Variants in ELFN1 observed in about 807,000 individuals in gnomAD.
ELFN1 encodes extracellular leucine rich repeat and fibronectin type III domain containing 1.
In ELFN1, 6 loss-of-function variants were observed where a neutral mutation model predicts 7.6. The ratio of observed to expected loss-of-function variants is 0.79; its 90% CI spans 0.43 to 1.56. The LOEUF (loss-of-function observed/expected upper bound fraction) is 1.56, where lower values mean the gene tolerates loss of function less well. Ranked by LOEUF, ELFN1 falls within the 40% of genes most tolerant of loss-of-function variation. The pLI is 0.01. For synonymous variants in ELFN1, 657 were observed against 588.1 expected, an observed-to-expected ratio of 1.12 and a Z score of -1.70; for missense variants, 1,169 against 1,232.2, an observed-to-expected ratio of 0.95 and a Z score of 0.77.
intron 2 of ELFN1, among the ~76,000 whole-genome samples, chr7:1,690,954 T>C (rs771448430): frequency 1.3e-4 from 20 of 151,916 alleles, no homozygotes; most frequent in Non-Finnish European, 2.2e-4. Flanking sequence ...AATGAATGAG[T>C]GGATGATACA....
At chr7:1,716,463 T>G (rs1217300571) in intron 3 of ELFN1, among the ~76,000 whole-genome samples, 1 of 152,220 alleles carries the variant, frequency 6.6e-6, no homozygotes, top group Non-Finnish European at 1.5e-5. Flanking sequence ...TTAGCTGCCT[T>G]CCTTCCTGCC....
Position 1,670,689 on chromosome 7 carries a change from C to T in ELFN1, c.-549+335C>T, listed in dbSNP as rs894781326. Among the ~76,000 whole-genome samples the T allele has an allele frequency of 2.0e-5, 3 of 152,202 alleles. No homozygotes were observed. The highest frequency in any genetic ancestry group is 4.4e-5 in the Non-Finnish European group (3 of 68,022). On this transcript the variant is annotated intron_variant, in intron 1 of 3. Coordinates refer to ENST00000424383, the MANE Select transcript of ELFN1 (RefSeq NM_001128636.4). The surrounding 1 kb of genome is among the most constrained non-coding windows in gnomAD (Gnocchi z 6.4). ...CTCTCTCCCTTCCGTCCCCCTTCGC[C>T]GTCCGCACCCTGCCCGGCGCCCCCC...
At position 1,745,245 on chromosome 7, in the gene ELFN1, C is replaced by T. The variant is rs1166705211; in HGVS notation, c.649C>T (p.Arg217Cys). ...AFTNATQTYD[R>C]MQCESPPVYS... ...CACCAACGCCACACAGACGTACGAC[C>T]GCATGCAGTGCGAGTCGCCGCCCGT... Residue 217 changes from arginine to cysteine, a missense_variant, in exon 4 of 4, where the codon CGC becomes TGC. By Grantham distance (180) the Arg-to-Cys change is radical. Coordinates refer to ENST00000424383, the MANE Select transcript of ELFN1 (RefSeq NM_001128636.4). 1.3e-6 allele frequency: 2 copies of T among 1,540,438 alleles called. No homozygotes were observed. The highest frequency in any genetic ancestry group is 8.7e-7 in the Non-Finnish European group (1 of 1,146,890).
intron 3 of ELFN1, among the ~76,000 whole-genome samples, chr7:1,731,744 G>A (rs1780329014): frequency 6.6e-6 from 1 of 152,194 alleles, no homozygotes; most frequent in African/African-American, 2.4e-5. Flanking sequence ...CTCCGCAGGA[G>A]AATCAAACGA....
At chr7:1,719,973 C>T (rs13229928) in intron 3 of ELFN1, among the ~76,000 whole-genome samples, 2 of 149,794 alleles carry the variant, frequency 1.3e-5, no homozygotes, top group East Asian at 2.0e-4. Flanking sequence ...GTGGGGGCCT[C>T]CCCCACCATC....
At chr7:1,734,355 C>T (rs1449301242) in intron 3 of ELFN1, among the ~76,000 whole-genome samples, 4 of 152,224 alleles carry the variant, frequency 2.6e-5, no homozygotes, top group Non-Finnish European at 4.4e-5. Flanking sequence ...CCTCCAACGG[C>T]GCCACACATC....
chr7:1,670,206 T>C (rs1485496653), upstream of ELFN1, among the ~76,000 whole-genome samples: 4 of 145,276 alleles, frequency 2.8e-5, no homozygotes, highest in African/African-American at 1.0e-4. This position sits in a 1 kb window ranked among gnomAD's most constrained non-coding sequence, Gnocchi z 6.4. Flanking sequence ...GAGCTTGAAT[T>C]CCCCCCCGGC....
At position 1,745,853 on chromosome 7, in the gene ELFN1, C is replaced by T. The variant is rs1390275183; in HGVS notation, c.1257C>T (p.Ile419=). The change falls in exon 4 of 4, where the codon ATC becomes ATT. Residue 419 remains isoleucine (I), a synonymous_variant. Coordinates refer to ENST00000424383, the MANE Select transcript of ELFN1 (RefSeq NM_001128636.4). ...VPSPSTATHY[I]MTILGCLFGM... ...GCCCCTCCACGGCCACCCACTACAT[C>T]ATGACCATCCTGGGCTGCCTCTTCG... 1 of 1,589,596 alleles carries T rather than the reference C, an allele frequency of 6.3e-7. No individual in the cohort carries two copies. Among genetic ancestry groups the T allele is most frequent in the Non-Finnish European group, 8.5e-7 (1 of 1,169,624 alleles).
chr7:1,745,504 T>C lies in ELFN1; in HGVS notation c.908T>C (p.Leu303Pro). Residue 303 changes from leucine (L) to proline (P), a missense_variant, in exon 4 of 4, where the codon CTG (leucine) becomes CCG (proline). Leu to Pro is a moderately conservative substitution (Grantham distance 98, BLOSUM62 -3). This residue lies in a region of ELFN1 where 914 missense variants were observed against 872.6 expected (regional missense o/e 1.05). Transcript: ENST00000424383. ...TTCTCCGGGGACGGCACCACGCCAC[T>C]GGTGGCCCTGCCCACGCTGGCCACG... ...ECFSGDGTTP[L>P]VALPTLATQA... 1 of 1,545,116 alleles carries C rather than the reference T, an allele frequency of 6.5e-7. No individual in the cohort carries two copies.
chr7:1,701,132 TGCATGTGTGTGTGTGGTGCAC>T (rs1465698860), intron 2 of ELFN1, among the ~76,000 whole-genome samples: 3 of 151,964 alleles, frequency 2.0e-5, no homozygotes, highest in African/African-American at 7.3e-5. Context: ...AGCCTGTGTG[TGCATGTGTGTGTGTGGTGCAC>T]GCATGTGTGT....
chr7:1,702,613 A>G (rs6952841), intron 2 of ELFN1, among the ~76,000 whole-genome samples: 28,974 of 150,910 alleles, frequency 0.19, 3,387 homozygotes, highest in Admixed American at 0.25. Context: ...AAGACTGTTG[A>G]TGTTTCATAA....
intron 2 of ELFN1, among the ~76,000 whole-genome samples, chr7:1,698,558 CT>C (rs1779365270): frequency 6.6e-6 from 1 of 152,160 alleles, no homozygotes; most frequent in Non-Finnish European, 1.5e-5. Flanking sequence ...TTCTGGGGGC[CT>C]GGCATTTGAA....
At chr7:1,674,025 A>G (rs561903439) in intron 1 of ELFN1, among the ~76,000 whole-genome samples, 33 of 152,168 alleles carry the variant, frequency 2.2e-4, no homozygotes, top group Admixed American at 1.8e-3. Flanking sequence ...GGGGGTACAC[A>G]GGAGCTGGTG....
intron 3 of ELFN1, among the ~76,000 whole-genome samples, chr7:1,734,119 T>C (rs1780381139): frequency 6.6e-6 from 1 of 152,094 alleles, no homozygotes; most frequent in Admixed American, 6.5e-5. Context: ...AGACTAAAGA[T>C]AGAACTTCCA....
chr7:1,726,785 C>T (rs973318233), intron 3 of ELFN1, among the ~76,000 whole-genome samples: 5 of 152,214 alleles, frequency 3.3e-5, no homozygotes, highest in Non-Finnish European at 7.3e-5. Context: ...CCAGCTGTTA[C>T]CCGTAGGGCC....
intron 2 of ELFN1, among the ~76,000 whole-genome samples, chr7:1,702,195 T>C (rs544406869): frequency 6.6e-6 from 1 of 152,114 alleles, no homozygotes; most frequent in South Asian, 2.1e-4. Flanking sequence ...GAGGCCAAGG[T>C]GGGCAAATGA....
At chr7:1,669,968 C>A (rs1226143151), upstream of ELFN1, among the ~76,000 whole-genome samples, 2 of 150,996 alleles carry the variant, frequency 1.3e-5, no homozygotes, top group African/African-American at 4.9e-5. Flanking sequence ...TCCCCTCCTT[C>A]CCCAGCCCCT....
At chr7:1,690,431 G>A (rs1328950625) in intron 2 of ELFN1, among the ~76,000 whole-genome samples, 1 of 151,486 alleles carries the variant, frequency 6.6e-6, no homozygotes, top group African/African-American at 2.4e-5. Context: ...ATGAATGGGT[G>A]AATGGATGGA....
rs1780827018 is a variant in ELFN1, at chr7:1,747,122, A to T, written c.*39A>T. The T allele has an allele frequency of 7.0e-7, 1 of 1,433,916 alleles. No individual in the cohort carries two copies. Among genetic ancestry groups the T allele is most frequent in the Non-Finnish European group, 9.2e-7 (1 of 1,088,164 alleles). The allele number at this position is 1,433,916 out of a possible 1,614,324, so 88.8% of individuals were successfully genotyped here. On this transcript the variant is annotated 3_prime_UTR_variant, in exon 4 of 4. Transcript: ENST00000424383. ...GGCGATGCCCACTGGACCAAAAAGG[A>T]TGCAGGATCCACCCAGAGACTCAGC...
Sources: allele counts gnomAD v4.1 joint callset (sites outside exome capture counted in the v4.1 genomes callset), GRCh38; gene constraint gnomAD v4.1.1; regional missense constraint gnomAD v4.1.1; non-coding constraint Gnocchi (gnomAD v3.1); transcripts MANE v1.5; gene names NCBI Gene and HGNC (gene_info 2026-07-23, HGNC 2026-07-21).